Variants in PDGFRL observed in about 807,000 individuals in gnomAD.
PDGFRL encodes platelet-derived growth factor receptor-like protein.
Under a neutral mutation model 37.2 loss-of-function variants are expected in PDGFRL, and 46 were observed. The observed-to-expected ratio is 1.24, with a 90% CI of 0.98 to 1.58. PDGFRL has a LOEUF of 1.58. Among genes scored for constraint, PDGFRL ranks in the 40% most tolerant of loss-of-function variants. The probability of loss-of-function intolerance (pLI) is 0.00; values close to 1 mark genes in which losing one functional copy is unlikely to be tolerated. For missense variants in PDGFRL, 692 were observed against 467.6 expected (o/e 1.48, Z -4.43); for synonymous variants, 251 against 184.3 (o/e 1.36, Z -2.93).
intron 2 of PDGFRL, among the ~76,000 whole-genome samples, chr8:17,605,281 C>T (rs1391108025): frequency 1.3e-5 from 2 of 152,194 alleles, no homozygotes; most frequent in Admixed American, 1.3e-4. Context: ...TGCCTCCATC[C>T]TTCCTCCCCA....
chr8:17,585,447 C>T (rs549635921), intron 1 of PDGFRL, among the ~76,000 whole-genome samples: 3 of 152,280 alleles, frequency 2.0e-5, no homozygotes, highest in South Asian at 2.1e-4. Flanking sequence ...GGGCTTGCTA[C>T]ATCTTGCTAC....
At chr8:17,641,852 C>T (rs575156969) in intron 5 of PDGFRL, among the ~76,000 whole-genome samples, 15 of 146,374 alleles carry the variant, frequency 1.0e-4, no homozygotes, top group South Asian at 4.3e-4. Context: ...GATTATCAAA[C>T]GTGTTGGTCA....
At chr8:17,589,319 G>A in intron 1 of PDGFRL, 149 bp from the exon 2 acceptor site, 1 of 667,542 alleles carries the variant, frequency 1.5e-6, no homozygotes, top group East Asian at 2.5e-5. Flanking sequence ...CTGGGAGGTG[G>A]AGGTTGCAGT....
At chr8:17,589,427 G>A (rs776156844) in intron 1 of PDGFRL, 41 bp from the exon 2 acceptor site, 2 of 1,428,478 alleles carry the variant, frequency 1.4e-6, no homozygotes, top group Non-Finnish European at 1.9e-6. Context: ...TTCCAAAAAT[G>A]TCATTACTAC....
chr8:17,583,351 T>A (rs1449389353), intron 1 of PDGFRL, among the ~76,000 whole-genome samples: 1 of 152,136 alleles, frequency 6.6e-6, no homozygotes, highest in East Asian at 1.9e-4. Context: ...ACCTGTCAGA[T>A]CAGCCATGTG....
At chr8:17,594,637 C>A (rs1255991816) in intron 2 of PDGFRL, among the ~76,000 whole-genome samples, 2 of 150,080 alleles carry the variant, frequency 1.3e-5, no homozygotes, top group East Asian at 3.9e-4. Context: ...TCACGGCAAC[C>A]TCCGCCTCCC....
At chr8:17,599,890 C>G (rs1490754898) in intron 2 of PDGFRL, among the ~76,000 whole-genome samples, 2 of 152,164 alleles carry the variant, frequency 1.3e-5, no homozygotes, top group African/African-American at 4.8e-5. Context: ...TGCCCTGGAT[C>G]TCATCTCTAC....
chr8:17,594,183 C>T (rs977430017), intron 2 of PDGFRL, among the ~76,000 whole-genome samples: 62 of 152,012 alleles, frequency 4.1e-4, no homozygotes, highest in African/African-American at 1.5e-3. Context: ...TTTGATGTTG[C>T]AGCCTATGAC....
intron 2 of PDGFRL, among the ~76,000 whole-genome samples, chr8:17,611,279 G>A (rs1462664794): frequency 6.6e-6 from 1 of 152,152 alleles, no homozygotes; most frequent in African/African-American, 2.4e-5. Context: ...GGATAAAAAA[G>A]GGAGGCAAAA....
At chr8:17,631,889 C>G (rs1001255352) in intron 4 of PDGFRL, among the ~76,000 whole-genome samples, 7 of 152,210 alleles carry the variant, frequency 4.6e-5, no homozygotes, top group African/African-American at 1.7e-4. Context: ...CTTTCCCACT[C>G]CTTGTTCTGT....
At chr8:17,618,215 C>G (rs1804566141) in intron 2 of PDGFRL, among the ~76,000 whole-genome samples, 1 of 152,082 alleles carries the variant, frequency 6.6e-6, no homozygotes, top group South Asian at 2.1e-4. Flanking sequence ...CACTACCATG[C>G]CTGGCTAATG....
At chr8:17,641,010 T>A (rs1805080906) in intron 5 of PDGFRL, among the ~76,000 whole-genome samples, 1 of 152,002 alleles carries the variant, frequency 6.6e-6, no homozygotes, top group Admixed American at 6.6e-5. Context: ...CCTCAGGGGA[T>A]TATGGCTGCT....
rs1363517312 is a variant in PDGFRL, at chr8:17,628,521, C to T, written c.540C>T (p.Tyr180=). The T allele has an allele frequency of 6.2e-7, 1 of 1,614,062 alleles. No individual in the cohort carries two copies. Among genetic ancestry groups the T allele is most frequent in the Non-Finnish European group, 8.5e-7 (1 of 1,179,904 alleles). Residue 180 remains tyrosine, a synonymous_variant, in exon 4 of 6, where the codon TAC becomes TAT. Transcript: ENST00000251630. ...AACTCTTTGTACCTTCTCCCAGCTA[C>T]TTCGATGTTGTCTACTTGAACCCGG... The part of the protein sequence containing the change: ...KGELFVPSPS[Y]FDVVYLNPDR...
In PDGFRL at chr8:17,642,911, C is replaced by T; in HGVS notation, c.*110C>T. The T allele has an allele frequency of 2.9e-6, 2 of 683,034 alleles. No individual in the cohort carries two copies. The highest frequency in any genetic ancestry group is 5.1e-6 in the Non-Finnish European group (2 of 392,030). 42.3% of individuals were successfully genotyped at this position (683,034 alleles called of 1,614,324 possible). A position where few individuals can be genotyped will look rare whatever the true frequency, so the allele number is the denominator to read the frequency against. On this transcript the variant is annotated 3_prime_UTR_variant, in exon 6 of 6. Coordinates refer to ENST00000251630, the MANE Select transcript of PDGFRL (RefSeq NM_001372073.1). ...CAGAGGCTGATGTCAAGCACCACAC[C>T]CCAACCCCAGCGTCTCGTGAGTCCG...
chr8:17,578,886 C>T (rs1009826187), intron 1 of PDGFRL, among the ~76,000 whole-genome samples: 7 of 151,960 alleles, frequency 4.6e-5, no homozygotes, highest in South Asian at 2.1e-4. Context: ...GATAATAGCA[C>T]GAAGATTTTG....
chr8:17,628,925 C>CT (rs1563527667), intron 4 of PDGFRL, 145 bp downstream of exon 4: 8 of 630,518 alleles, frequency 1.3e-5, no homozygotes, highest in Non-Finnish European at 2.2e-5. Flanking sequence ...TTTTTTTTCT[C>CT]TTTTTTCTTG....
At chr8:17,582,627 C>A (rs1563502634) in intron 1 of PDGFRL, among the ~76,000 whole-genome samples, 1 of 148,952 alleles carries the variant, frequency 6.7e-6, no homozygotes, top group Non-Finnish European at 1.5e-5. Flanking sequence ...ATTACAGCAG[C>A]AAAGGAATGA....
At chr8:17,637,316 T>A (rs1804991068) in intron 5 of PDGFRL, among the ~76,000 whole-genome samples, 1 of 152,176 alleles carries the variant, frequency 6.6e-6, no homozygotes, top group Non-Finnish European at 1.5e-5. Flanking sequence ...TGTCAAATGT[T>A]TTTTGTGTGT....
intron 1 of PDGFRL, among the ~76,000 whole-genome samples, chr8:17,582,860 C>T (rs1161322863): frequency 6.6e-6 from 1 of 152,164 alleles, no homozygotes; most frequent in East Asian, 1.9e-4. Context: ...GGCCCAGAGA[C>T]TCAGGAGAAT....
Sources: allele counts gnomAD v4.1 joint callset (sites outside exome capture counted in the v4.1 genomes callset), GRCh38; gene constraint gnomAD v4.1.1; transcripts MANE v1.5; gene names NCBI Gene and HGNC (gene_info 2026-07-23, HGNC 2026-07-21).